Variants in DCAF6 observed in about 807,000 individuals in gnomAD.
The protein encoded by DCAF6 is DDB1 and CUL4 associated factor 6.
A neutral mutation model predicts 125.1 loss-of-function variants in DCAF6; 54 were observed. The observed-to-expected ratio is 0.43, with a 90% confidence interval of 0.35 to 0.54. The LOEUF (loss-of-function observed/expected upper bound fraction) is 0.54, where lower values mean the gene tolerates loss of function less well. DCAF6 is among the 20% of genes least tolerant of loss of function. The pLI is 0.01. For synonymous variants in DCAF6, 371 were observed against 390.4 expected (o/e 0.95, Z 0.58); for missense variants, 934 against 1,161.7 (o/e 0.80, Z 2.85).
chr1:167,925,460 T>TATATATATATATAC, the DCAF6 span, among the ~76,000 whole-genome samples: 4 of 115,250 alleles, frequency 3.5e-5, no homozygotes, highest in African/African-American at 1.1e-4. Context: ...TATATATATA[T>TATATATATATATAC]ATATATATAT....
At chr1:167,989,581 A>G (rs1297685812) in intron 5 of DCAF6, among the ~76,000 whole-genome samples, 1 of 152,138 alleles carries the variant, frequency 6.6e-6, no homozygotes, top group Non-Finnish European at 1.5e-5. Context: ...GGTTAAATTG[A>G]CTTAAAAACA....
the DCAF6 span, among the ~76,000 whole-genome samples, chr1:167,879,368 G>T: frequency 5.9e-5 from 9 of 152,250 alleles, no homozygotes; most frequent in African/African-American, 2.2e-4. Flanking sequence ...TACAAATGAG[G>T]TAGCAAATGT....
chr1:167,960,191 G>C (rs1157576165), intron 2 of DCAF6, among the ~76,000 whole-genome samples: 6 of 151,966 alleles, frequency 3.9e-5, no homozygotes, highest in Non-Finnish European at 5.9e-5. Flanking sequence ...ATGTGGGTCT[G>C]TTTCTGGGCT....
At chr1:167,989,243 T>G (rs1680476525) in intron 5 of DCAF6, among the ~76,000 whole-genome samples, 1 of 152,214 alleles carries the variant, frequency 6.6e-6, no homozygotes, top group African/African-American at 2.4e-5. Flanking sequence ...TACCTGTTCC[T>G]TAGAGTAAGT....
At chr1:168,065,500 T>A in intron 18 of DCAF6, 90 bp from the exon 19 acceptor site, 1 of 1,031,452 alleles carries the variant, frequency 9.7e-7, no homozygotes, top group Non-Finnish European at 1.4e-6. Flanking sequence ...AATGTAAGAA[T>A]TAAAACAAAT....
the DCAF6 span, among the ~76,000 whole-genome samples, chr1:167,922,544 G>C: frequency 6.6e-6 from 1 of 151,844 alleles, no homozygotes; most frequent in Non-Finnish European, 1.5e-5. Flanking sequence ...AAATGGTAAT[G>C]TAACTTCCAT....
intron 1 of DCAF6, among the ~76,000 whole-genome samples, chr1:167,939,987 T>G (rs1204077793): frequency 2.6e-5 from 4 of 152,224 alleles, no homozygotes; most frequent in Non-Finnish European, 4.4e-5. Context: ...GAATTACTGC[T>G]AAATAGTAAA....
chr1:168,069,531 C>T (rs903098971), intron 21 of DCAF6, among the ~76,000 whole-genome samples: 2 of 152,160 alleles, frequency 1.3e-5, no homozygotes, highest in Non-Finnish European at 2.9e-5. Flanking sequence ...AATATCACTT[C>T]CTCAGAGAGA....
At chr1:167,890,700 T>G in the DCAF6 span, among the ~76,000 whole-genome samples, 1 of 152,154 alleles carries the variant, frequency 6.6e-6, no homozygotes, top group Non-Finnish European at 1.5e-5. Flanking sequence ...GGAGTTTGGC[T>G]CTCTTATTTT....
Position 168,033,720 on chromosome 1 carries a change from T to C in DCAF6, c.1610-4651T>C, listed in dbSNP as rs76773546. Among the ~76,000 whole-genome samples, 1,088 of 152,326 alleles carry C rather than the reference T, an allele frequency of 7.1e-3. 13 individuals carry two copies. The highest frequency in any genetic ancestry group is 0.024 in the African/African-American group (1,018 of 41,562). On this transcript the variant is annotated intron_variant, in intron 12 of 21. Transcript: ENST00000367840. Reference sequence around the variant, plus strand: ...TTACAGTCTTTTATCTTGATGTTTATGTGGTCATTGCTGTGCTTCTGAAGC... The same window carrying C: ...TTACAGTCTTTTATCTTGATGTTTACGTGGTCATTGCTGTGCTTCTGAAGC...
chr1:167,999,986 C>T (rs930801619), intron 7 of DCAF6, among the ~76,000 whole-genome samples: 2 of 152,150 alleles, frequency 1.3e-5, no homozygotes, highest in Non-Finnish European at 2.9e-5. Context: ...ACATGCTTTC[C>T]TCACTTAGCT....
chr1:168,027,521 A>G (rs1159703516), intron 12 of DCAF6, among the ~76,000 whole-genome samples: 1 of 152,148 alleles, frequency 6.6e-6, no homozygotes, highest in African/African-American at 2.4e-5. Flanking sequence ...TTTGTTTTTC[A>G]TACTTTTAAC....
At chr1:168,017,328 G>A (rs188089550) in intron 11 of DCAF6, among the ~76,000 whole-genome samples, 137 of 151,734 alleles carry the variant, frequency 9.0e-4, no homozygotes, top group Admixed American at 1.7e-3. Flanking sequence ...ATGTCCCTAC[G>A]TATATAATTA....
At chr1:168,022,424 A>G (rs753909721) in intron 11 of DCAF6, among the ~76,000 whole-genome samples, 1 of 152,214 alleles carries the variant, frequency 6.6e-6, no homozygotes, top group African/African-American at 2.4e-5. Context: ...AATATGCACA[A>G]TATACTGTAG....
the DCAF6 span, chr1:167,919,931 T>A: frequency 1.4e-6 from 2 of 1,403,942 alleles, no homozygotes; most frequent in Non-Finnish European, 2.0e-6. Context: ...ATTAGTGCCA[T>A]CTAAGTAGCT....
chr1:168,053,237 T>A (rs1690184803), intron 17 of DCAF6, among the ~76,000 whole-genome samples: 1 of 152,194 alleles, frequency 6.6e-6, no homozygotes, highest in African/African-American at 2.4e-5. Flanking sequence ...CATTGTATAT[T>A]TGTATGTTTT....
intron 2 of DCAF6, among the ~76,000 whole-genome samples, chr1:167,961,213 A>G (rs1361426845): frequency 6.6e-6 from 1 of 152,104 alleles, no homozygotes; most frequent in Non-Finnish European, 1.5e-5. Flanking sequence ...TGCTACAATC[A>G]CTTATTAGTT....
intron 3 of DCAF6, among the ~76,000 whole-genome samples, chr1:167,974,299 A>G (rs1677801342): frequency 1.3e-5 from 2 of 152,186 alleles, no homozygotes; most frequent in South Asian, 4.1e-4. Flanking sequence ...GCAACAAATT[A>G]TACAAATATT....
At chr1:167,904,497 C>CAGATA in the DCAF6 span, 1 of 229,992 alleles carries the variant, frequency 4.3e-6, no homozygotes, top group Non-Finnish European at 8.5e-6. Context: ...GAAAAGGCTC[C>CAGATA]AGATATTTCT....
Sources: gnomAD v4.1 joint callset for allele counts (sites outside exome capture counted in the v4.1 genomes callset) on GRCh38, gnomAD v4.1.1 for gene constraint, MANE v1.5 for transcripts, NCBI Gene and HGNC (gene_info 2026-07-23, HGNC 2026-07-21) for gene names.